ZNRF3: variants seen among roughly 807,000 people sequenced by gnomAD.
ZNRF3 encodes the protein zinc and ring finger 3.
In ZNRF3, 23 loss-of-function variants were observed where a neutral mutation model predicts 72.5. That is an observed-to-expected ratio of 0.32 (90% CI 0.23 to 0.45). The LOEUF (loss-of-function observed/expected upper bound fraction) is 0.45, where lower values mean the gene tolerates loss of function less well. Ranked by LOEUF, ZNRF3 falls within the 20% of genes least tolerant of loss-of-function variation. ZNRF3 has a pLI of 1.00. For missense variants in ZNRF3, 1,169 were observed against 1,272.1 expected (o/e 0.92, Z 1.23); for synonymous variants, 610 against 545.3 (o/e 1.12, Z -1.65).
At chr22:28,895,654 G>A (rs920703526) in intron 1 of ZNRF3, among the ~76,000 whole-genome samples, 1 of 152,002 alleles carries the variant, frequency 6.6e-6, no homozygotes, top group Admixed American at 6.6e-5. Context: ...GCGACAGAGC[G>A]AGACTCCGTC....
intron 1 of ZNRF3, among the ~76,000 whole-genome samples, chr22:28,933,759 C>CTA (rs2034766349): frequency 8.5e-6 from 1 of 118,256 alleles, no homozygotes; most frequent in Non-Finnish European, 1.9e-5. Flanking sequence ...CTCACTCTCT[C>CTA]TCTCTCTCTC....
intron 2 of ZNRF3, among the ~76,000 whole-genome samples, chr22:29,034,746 A>C (rs1020663071): frequency 6.6e-6 from 1 of 152,114 alleles, no homozygotes; most frequent in Non-Finnish European, 1.5e-5. Flanking sequence ...CTTGGAACTA[A>C]ATGTACATGC....
intron 2 of ZNRF3, chr22:29,018,075 G>T: frequency 1.9e-6 from 1 of 518,926 alleles, no homozygotes; most frequent in African/African-American, 1.9e-5. Flanking sequence ...CAGATAGTGT[G>T]GGAGGGGAGG....
chr22:28,978,510 C>T (rs1261134147), intron 1 of ZNRF3, among the ~76,000 whole-genome samples: 1 of 152,198 alleles, frequency 6.6e-6, no homozygotes, highest in Non-Finnish European at 1.5e-5. Flanking sequence ...TGGGGTCTCT[C>T]TTGGTCCTGA....
chr22:28,907,534 G>A (rs567135511), intron 1 of ZNRF3, among the ~76,000 whole-genome samples: 1 of 152,198 alleles, frequency 6.6e-6, no homozygotes, highest in African/African-American at 2.4e-5. Flanking sequence ...GATGGTGTCC[G>A]TGCCTTTCAT....
chr22:28,939,824 T>C (rs1221305107), intron 1 of ZNRF3, among the ~76,000 whole-genome samples: 3 of 152,104 alleles, frequency 2.0e-5, no homozygotes, highest in Non-Finnish European at 4.4e-5. Flanking sequence ...TTTGAAGAGT[T>C]TTTTTCACCT....
chr22:28,952,625 A>C (rs1335602167), intron 1 of ZNRF3, among the ~76,000 whole-genome samples: 1 of 152,140 alleles, frequency 6.6e-6, no homozygotes, highest in African/African-American at 2.4e-5. Flanking sequence ...TTTGCTTAAG[A>C]GAAAAGAGCA....
At chr22:29,004,509 C>T (rs1232715509) in intron 2 of ZNRF3, among the ~76,000 whole-genome samples, 2 of 152,120 alleles carry the variant, frequency 1.3e-5, no homozygotes, top group African/African-American at 2.4e-5. Context: ...CAAGTGTACC[C>T]GAAGCACGCC....
At chr22:28,956,398 C>T (rs1439702274) in intron 1 of ZNRF3, among the ~76,000 whole-genome samples, 3 of 132,934 alleles carry the variant, frequency 2.3e-5, no homozygotes, top group Non-Finnish European at 4.7e-5. Flanking sequence ...CCTTTTGCAT[C>T]GAATGAAACC....
At chr22:28,960,774 T>C (rs906298538) in intron 1 of ZNRF3, among the ~76,000 whole-genome samples, 2 of 152,128 alleles carry the variant, frequency 1.3e-5, no homozygotes, top group African/African-American at 2.4e-5. Flanking sequence ...CCTGCCAGGC[T>C]CCTGCTCATT....
At chr22:28,943,200 C>G (rs1242506194) in intron 1 of ZNRF3, among the ~76,000 whole-genome samples, 1 of 152,100 alleles carries the variant, frequency 6.6e-6, no homozygotes, top group African/African-American at 2.4e-5. Flanking sequence ...GTCTCCCCTC[C>G]CCCGGGGGTC....
In ZNRF3 at chr22:28,986,588, G is replaced by A. The variant is rs1267293136; in HGVS notation, c.301-488G>A. 9 of 984,854 alleles carry A rather than the reference G, an allele frequency of 9.1e-6. No homozygotes were observed. In the East Asian group the frequency reaches 7.9e-4, roughly 87 times the overall value. The allele number at this position is 984,854 out of a possible 1,614,324, so 61.0% of individuals were successfully genotyped here. The stretch of plus-strand genomic sequence containing the variant: ...TAAACAGCCTGTTAATTACACTGGT[G>A]ATTTCTGTGGTCTCTGCATAGAGTC... On this transcript the variant is annotated intron_variant, in intron 1 of 8. Transcript: ENST00000544604.
Position 29,046,770 on chromosome 22 carries a change from T to C in ZNRF3, c.799T>C (p.Phe267Leu). 2.5e-6 allele frequency: 4 copies of C among 1,612,020 alleles called. No individual in the cohort carries two copies. The highest frequency in any genetic ancestry group is 3.4e-6 in the Non-Finnish European group (4 of 1,179,044). Reference protein sequence around the residue: ...QALEKMETRKFNSKSKGRREG... With the variant: ...QALEKMETRKLNSKSKGRREG... ...TCTAGAGAAGATGGAAACCAGAAAG[T>C]TCAACTCCAAGAGCAAGGGGCGCCG... is the stretch of plus-strand genomic sequence containing the variant. The change falls in exon 6 of 9, where the codon TTC (phenylalanine) becomes CTC (leucine). Residue 267 changes from phenylalanine to leucine, a missense_variant. Physicochemically the swap from Phe to Leu is conservative, Grantham distance 22. This residue lies in a region of ZNRF3 where 386 missense variants were observed against 540.7 expected (regional missense o/e 0.71). Coordinates refer to ENST00000544604, the MANE Select transcript of ZNRF3 (RefSeq NM_001206998.2).
rs1420528691 is a variant in ZNRF3 at position 29,056,563 on chromosome 22, C to G, written c.*2941C>G. 2.0e-5 allele frequency: 3 copies of G among 152,208 alleles called. No homozygotes were observed. The East Asian group carries it at 5.8e-4, about 29-fold the overall frequency. 9.4% of individuals were successfully genotyped at this position (152,208 alleles called of 1,614,324 possible). The stretch of plus-strand genomic sequence containing the variant: ...AATGACAGACACCCTTTTCGGTGGA[C>G]TCTGAGTGGTGTGTAGTGGTTTTAT... On this transcript the variant is annotated 3_prime_UTR_variant, in exon 9 of 9. Transcript: ENST00000544604.
chr22:29,051,477 G>A (rs58221763), intron 8 of ZNRF3, among the ~76,000 whole-genome samples: 3 of 152,064 alleles, frequency 2.0e-5, no homozygotes, highest in African/African-American at 4.8e-5. Context: ...GGTGGCGGGT[G>A]CCTGTAGTCC....
intron 1 of ZNRF3, among the ~76,000 whole-genome samples, chr22:28,910,963 G>A (rs1288761887): frequency 6.6e-6 from 1 of 152,192 alleles, no homozygotes; most frequent in Non-Finnish European, 1.5e-5. Flanking sequence ...CCCATGGCAG[G>A]GCGGGGAGAA....
intron 2 of ZNRF3, chr22:29,018,474 C>T: frequency 6.3e-6 from 1 of 159,996 alleles, no homozygotes; most frequent in South Asian, 1.8e-4. Context: ...TGAACTGGAG[C>T]CCTTTGAACT....
intron 1 of ZNRF3, among the ~76,000 whole-genome samples, chr22:28,964,367 G>C (rs2035421996): frequency 1.3e-5 from 2 of 152,180 alleles, no homozygotes; most frequent in African/African-American, 4.8e-5. Flanking sequence ...CACCAGCCTT[G>C]ATATAGACCA....
At chr22:28,979,847 G>A (rs1192795665) in intron 1 of ZNRF3, among the ~76,000 whole-genome samples, 3 of 152,216 alleles carry the variant, frequency 2.0e-5, no homozygotes, top group African/African-American at 7.2e-5. Context: ...TTAGAGGGGA[G>A]GCTGTAGGAA....
Sources: allele counts gnomAD v4.1 joint callset (sites outside exome capture counted in the v4.1 genomes callset), GRCh38; gene constraint gnomAD v4.1.1; regional missense constraint gnomAD v4.1.1; transcripts MANE v1.5; gene names NCBI Gene and HGNC (gene_info 2026-07-23, HGNC 2026-07-21).